The following CNTLN variants were observed in gnomAD, a reference collection of about 807,000 sequenced individuals.
CNTLN encodes centlein, also known as centlein, centrosomal protein.
A neutral mutation model predicts 180.0 loss-of-function variants in CNTLN; 212 were observed. The observed-to-expected ratio is 1.18, with a 90% CI of 1.05 to 1.32. CNTLN has a LOEUF of 1.32. Ranked by LOEUF, CNTLN falls within the 40% of genes most tolerant of loss-of-function variation. The pLI, the probability that CNTLN is intolerant of heterozygous loss-of-function variation, is 0.00. For synonymous variants in CNTLN, 722 were observed against 563.1 expected (o/e 1.28, Z -3.99); for missense variants, 2,095 against 1,610.9 (o/e 1.30, Z -5.14).
intron 2 of CNTLN, among the ~76,000 whole-genome samples, chr9:17,218,976 A>G (rs185544543): frequency 1.3e-5 from 2 of 152,316 alleles, no homozygotes; most frequent in East Asian, 3.9e-4. Context: ...TTGAGCTTAG[A>G]AAAATGACTG....
Position 17,484,283 on chromosome 9 carries a change from A to G in CNTLN, c.3856-12A>G. 6.4e-7 allele frequency: 1 copy of G among 1,569,982 alleles called. No homozygotes were observed. The highest frequency in any genetic ancestry group is 8.6e-7 in the Non-Finnish European group (1 of 1,164,918). On this transcript the variant is annotated splice_polypyrimidine_tract_variant and intron_variant, in intron 23 of 25. Transcript: ENST00000380647. Reference sequence around the variant, plus strand: ...TTTAATATAAGCTCAATTTCTTTCCAATATGTTACAGGCTTTGGCCAAAGA... The same window carrying G: ...TTTAATATAAGCTCAATTTCTTTCCGATATGTTACAGGCTTTGGCCAAAGA...
At chr9:17,146,797 A>G (rs1818488169) in intron 2 of CNTLN, among the ~76,000 whole-genome samples, 1 of 152,172 alleles carries the variant, frequency 6.6e-6, no homozygotes, top group South Asian at 2.1e-4. Flanking sequence ...TCTAAAAATT[A>G]CTTATTTTTT....
At chr9:17,226,089 A>T (rs1563900128) in intron 2 of CNTLN, 114 bp from the exon 3 acceptor site, 2 of 537,598 alleles carry the variant, frequency 3.7e-6, no homozygotes, top group African/African-American at 4.0e-5. Flanking sequence ...CATGTGGTCA[A>T]CTCAAGATGA....
At chr9:17,230,363 C>T (rs2132113524) in intron 3 of CNTLN, among the ~76,000 whole-genome samples, 2 of 152,136 alleles carry the variant, frequency 1.3e-5, no homozygotes, top group Middle Eastern at 6.8e-3. Context: ...ATTAATTATA[C>T]AATAGTCCCA....
Position 17,226,266 on chromosome 9 carries a change from CA to C in CNTLN, c.517del (p.Ile173TyrfsTer11). 1 of 1,570,048 alleles carries C rather than the reference CA, an allele frequency of 6.4e-7. No homozygotes were observed. The highest frequency in any genetic ancestry group is 8.6e-7 in the Non-Finnish European group (1 of 1,158,204). On this transcript the variant is annotated frameshift_variant, in exon 3 of 26. Transcript: ENST00000380647. LOFTEE classifies it high-confidence loss of function. ...VLEILQVKDA[K>X]IQEFEQRESV... ...TAGAAATTCTGCAAGTCAAGGATGC[CA>C]AAATACAAGAATTTGAACAGGTTGG...
chr9:17,277,405 C>G (rs893827727), intron 6 of CNTLN, among the ~76,000 whole-genome samples: 1 of 152,074 alleles, frequency 6.6e-6, no homozygotes, highest in East Asian at 1.9e-4. Flanking sequence ...ATTAATACAT[C>G]TGGATTGCTG....
intron 6 of CNTLN, among the ~76,000 whole-genome samples, chr9:17,277,627 G>A (rs760988586): frequency 1.4e-4 from 22 of 151,970 alleles, no homozygotes; most frequent in African/African-American, 3.9e-4. Context: ...ATTAATTCAC[G>A]TAGAGAACCC....
chr9:17,190,985 G>T (rs896145540), intron 2 of CNTLN, among the ~76,000 whole-genome samples: 1 of 152,134 alleles, frequency 6.6e-6, no homozygotes, highest in Non-Finnish European at 1.5e-5. Flanking sequence ...AGTTCATAAT[G>T]CCCTTACTAC....
In CNTLN at chr9:17,394,964, G is replaced by T. The variant is rs1424044998; in HGVS notation, c.2510G>T (p.Cys837Phe). Reference protein sequence around the residue: ...KVKFKAAKKNCSVGRHHTVLN... With the variant: ...KVKFKAAKKNFSVGRHHTVLN... The stretch of plus-strand genomic sequence containing the variant: ...AAATTTAAAGCTGCGAAGAAAAATT[G>T]CTCTGTGGGTCGTCACCACACTGTT... Residue 837 changes from cysteine (C) to phenylalanine (F), a missense_variant, in exon 15 of 26, where the codon TGC becomes TTC. Physicochemically the swap from Cys to Phe is radical, Grantham distance 205. Transcript: ENST00000380647. 1 of 1,613,740 alleles carries T rather than the reference G, an allele frequency of 6.2e-7. No individual in the cohort carries two copies.
chr9:17,394,754 T>C lies in CNTLN; in HGVS notation c.2300T>C (p.Leu767Pro), dbSNP rs767136571. 4 of 1,613,956 alleles carry C rather than the reference T, an allele frequency of 2.5e-6. No homozygotes were observed. The highest frequency in any genetic ancestry group is 2.5e-6 in the Non-Finnish European group (3 of 1,179,956). ...NTELQVKISELETEVTSLRRQ... is the reference protein window; with the variant it reads ...NTELQVKISEPETEVTSLRRQ... ...GAACTTCAAGTAAAAATCAGTGAGC[T>C]GGAGACAGAAGTCACTTCCCTGAGG... is the stretch of plus-strand genomic sequence containing the variant. Residue 767 changes from leucine to proline, a missense_variant, in exon 15 of 26, where the codon CTG (leucine) becomes CCG (proline). Physicochemically the swap from Leu to Pro is moderately conservative, Grantham distance 98 (BLOSUM62 -3). Transcript: ENST00000380647.
intron 21 of CNTLN, among the ~76,000 whole-genome samples, chr9:17,465,654 A>T (rs1393872706): frequency 6.6e-6 from 1 of 151,144 alleles, no homozygotes; most frequent in Non-Finnish European, 1.5e-5. Flanking sequence ...CTTGTTTCAG[A>T]GTCAAAACAA....
At chr9:17,435,710 A>C (rs1449030815) in intron 18 of CNTLN, among the ~76,000 whole-genome samples, 2 of 152,016 alleles carry the variant, frequency 1.3e-5, no homozygotes, top group African/African-American at 4.8e-5. Context: ...TTACAGGTGC[A>C]TGCCAACACG....
In CNTLN at chr9:17,438,471, G is replaced by T. The variant is rs1052242267; in HGVS notation, c.3115-19053G>T. The stretch of plus-strand genomic sequence containing the variant: ...TTTTTAACAAAGTGAGTAGAAAGTT[G>T]ATGATAGAAGAATTGTATTTGTGAC... On this transcript the variant is annotated intron_variant, in intron 18 of 25. Transcript: ENST00000380647. 7.9e-5 allele frequency among the ~76,000 whole-genome samples: 12 copies of T among 152,116 alleles called. 1 individual carries two copies. Among genetic ancestry groups the T allele is most frequent in the Non-Finnish European group, 1.6e-4 (11 of 68,014 alleles).
At chr9:17,364,653 T>C (rs1193301006) in intron 12 of CNTLN, among the ~76,000 whole-genome samples, 1 of 152,204 alleles carries the variant, frequency 6.6e-6, no homozygotes, top group Non-Finnish European at 1.5e-5. Context: ...CTGTCATTCA[T>C]GGCTTTGAAC....
At chr9:17,333,712 A>T (rs1048182562) in intron 10 of CNTLN, among the ~76,000 whole-genome samples, 52 of 149,040 alleles carry the variant, frequency 3.5e-4, no homozygotes, top group Middle Eastern at 3.6e-3. Flanking sequence ...AACTGCTCTA[A>T]AACATGAAAA....
intron 7 of CNTLN, among the ~76,000 whole-genome samples, chr9:17,306,618 A>T (rs1250823291): frequency 6.6e-6 from 1 of 152,178 alleles, no homozygotes; most frequent in Non-Finnish European, 1.5e-5. Flanking sequence ...GTGGCCAGTA[A>T]ATTGGTCCTC....
intron 10 of CNTLN, among the ~76,000 whole-genome samples, chr9:17,338,430 C>A (rs747238931): frequency 1.3e-5 from 2 of 148,786 alleles, no homozygotes; most frequent in Admixed American, 6.8e-5. Context: ...GGCTCGGCCT[C>A]CCAAAGTGCT....
chr9:17,282,883 A>G (rs1256593686), intron 6 of CNTLN, among the ~76,000 whole-genome samples: 2 of 152,144 alleles, frequency 1.3e-5, no homozygotes, highest in Non-Finnish European at 2.9e-5. Flanking sequence ...GGTTTGTCAA[A>G]GATCAGATGG....
chr9:17,475,327 T>C (rs1287053974), intron 23 of CNTLN, among the ~76,000 whole-genome samples: 1 of 152,028 alleles, frequency 6.6e-6, no homozygotes, highest in Non-Finnish European at 1.5e-5. Flanking sequence ...CTTTTTGCTT[T>C]GGTGGAACAA....
Sources: allele counts gnomAD v4.1 joint callset (sites outside exome capture counted in the v4.1 genomes callset), GRCh38; gene constraint gnomAD v4.1.1; transcripts MANE v1.5; gene names NCBI Gene and HGNC (gene_info 2026-07-23, HGNC 2026-07-21).